Variants in TBC1D17 observed in about 807,000 individuals in gnomAD.
The protein encoded by TBC1D17 is TBC1 domain family, member 17.
In TBC1D17, 69 loss-of-function variants were observed where a neutral mutation model predicts 78.8. The ratio of observed to expected loss-of-function variants is 0.88; its 90% confidence interval spans 0.72 to 1.07. The LOEUF (loss-of-function observed/expected upper bound fraction) is 1.07. Ranked by LOEUF, TBC1D17 falls within the 50% of genes least tolerant of loss-of-function variation. The probability of loss-of-function intolerance (pLI) is 0.00; values close to 1 mark genes in which losing one functional copy is unlikely to be tolerated. For synonymous variants in TBC1D17, 456 were observed against 358.3 expected (o/e 1.27, Z -3.08); for missense variants, 957 against 861.0 (o/e 1.11, Z -1.39).
chr19:49,887,129 A>C, intron 13 of TBC1D17: 1 of 322,938 alleles, frequency 3.1e-6, no homozygotes, highest in Non-Finnish European at 5.9e-6. Context: ...GCGCCATCGC[A>C]CCCGGCCTTC....
rs1568673460 is a variant in TBC1D17, at chr19:49,880,410, G to A, written c.319+8G>A. The A allele has an allele frequency of 6.2e-7, 1 of 1,612,484 alleles. No homozygotes were observed. The highest frequency in any genetic ancestry group is 1.1e-5 in the South Asian group (1 of 90,956). On this transcript the variant is annotated splice_region_variant and intron_variant, in intron 4 of 16. Transcript: ENST00000221543. ...ACTCAGAGCCCACGAGAGGTAGGCT[G>A]AGGTGGCGGCCCTTGAGAAGCACGT...
chr19:49,880,323 C>G lies in TBC1D17; in HGVS notation c.240C>G (p.Thr80=). 3 of 1,614,098 alleles carry G rather than the reference C, an allele frequency of 1.9e-6. No individual in the cohort carries two copies. The South Asian group carries it at 3.3e-5, about 18-fold the overall frequency. ...CATGTGCTTCTGAGGAGGAACCAACCTTTGACCCCGGCTATGAACCTGACT... is the reference window on the plus strand; with the variant it reads ...CATGTGCTTCTGAGGAGGAACCAACGTTTGACCCCGGCTATGAACCTGACT... The part of the protein sequence containing the change: ...GDSCASEEEP[T]FDPGYEPDWA... The change falls in exon 4 of 17, where the codon ACC becomes ACG. Residue 80 remains threonine (T), a synonymous_variant. Coordinates refer to ENST00000221543, the MANE Select transcript of TBC1D17 (RefSeq NM_024682.3).
chr19:49,883,125 C>T (rs1274891303), intron 9 of TBC1D17, 49 bp downstream of exon 9: 4 of 1,529,726 alleles, frequency 2.6e-6, no homozygotes, highest in Non-Finnish European at 2.7e-6. Context: ...CCTGGTACCT[C>T]CTAGGGCACC....
intron 13 of TBC1D17, chr19:49,887,247 TC>T: frequency 1.9e-6 from 1 of 540,366 alleles, no homozygotes; most frequent in Non-Finnish European, 3.4e-6. Context: ...CTGCCTCCCT[TC>T]CATGTCCATG....
chr19:49,885,368 C>G (rs1404506863), intron 13 of TBC1D17: 1 of 151,150 alleles, frequency 6.6e-6, no homozygotes, highest in Non-Finnish European at 1.5e-5. Context: ...TCGCTTGAAC[C>G]TGGGAGGTGG....
chr19:49,878,593 C>G (rs762713110), intron 3 of TBC1D17, 21 bp downstream of exon 3: 1 of 1,612,412 alleles, frequency 6.2e-7, no homozygotes, highest in Non-Finnish European at 8.5e-7. Context: ...CCCGCTTTGC[C>G]CTTCTCCACT....
rs2074979938 is a variant in TBC1D17 at position 49,878,483 on chromosome 19, C to T, written c.121-15C>T. On this transcript the variant is annotated splice_polypyrimidine_tract_variant and intron_variant, in intron 2 of 16. Coordinates refer to ENST00000221543, the MANE Select transcript of TBC1D17 (RefSeq NM_024682.3). ...TTGGGGAGCGCCTCTAACCCCGCCT[C>T]CCTCCTTACCCTAGGACAATGACGT... 4.3e-6 allele frequency: 7 copies of T among 1,612,392 alleles called. 1 individual carries two copies. Among genetic ancestry groups the T allele is most frequent in the South Asian group, 2.2e-5 (2 of 91,044 alleles).
chr19:49,882,466 C>T, intron 7 of TBC1D17, 66 bp downstream of exon 7: 1 of 1,554,574 alleles, frequency 6.4e-7, no homozygotes. Flanking sequence ...GATTTCATTT[C>T]CCTGGGCCTC....
Position 49,878,741 on chromosome 19 carries a change from G to T in TBC1D17, c.195+169G>T, listed in dbSNP as rs1009553006. 12 of 624,024 alleles carry T rather than the reference G, an allele frequency of 1.9e-5. No homozygotes were observed. The Middle Eastern group carries it at 8.8e-4, about 46-fold the overall frequency. The allele number at this position is 624,024 out of a possible 1,614,324, so 38.7% of individuals were successfully genotyped here. A position where few individuals can be genotyped will look rare whatever the true frequency, so the allele number is the denominator to read the frequency against. On this transcript the variant is annotated intron_variant, in intron 3 of 16. Transcript: ENST00000221543. ...CCTTTTGCTCCTCTCTGTGAAATGG[G>T]CAGAGGATGCCCATTCAAGGAAAAA...
At chr19:49,884,193 C>A in intron 10 of TBC1D17, 60 bp from the exon 11 acceptor site, 2 of 1,492,606 alleles carry the variant, frequency 1.3e-6, no homozygotes, top group Non-Finnish European at 1.9e-6. Context: ...GCACTGGTGG[C>A]CAGCAGGGAT....
At position 49,877,736 on chromosome 19, in the gene TBC1D17, G is replaced by C. The variant is rs777534657; in HGVS notation, c.13G>C (p.Gly5Arg). 6.3e-7 allele frequency: 1 copy of C among 1,598,008 alleles called. No individual in the cohort carries two copies. The highest frequency in any genetic ancestry group is 8.5e-7 in the Non-Finnish European group (1 of 1,173,290). The change falls in exon 1 of 17, where the codon GGC (glycine) becomes CGC (arginine). Residue 5 changes from glycine (G) to arginine (R), a missense_variant. Transcript: ENST00000221543. ...TTCGGCGGCGACTATGGAAGGAGCC[G>C]GCTACAGGGTAAGCACTGAGGACGC... MEGA[G>R]YRVVFEKGGV...
intron 3 of TBC1D17, chr19:49,878,785 G>A (rs750644778): frequency 7.8e-5 from 44 of 567,288 alleles, no homozygotes; most frequent in Non-Finnish European, 1.3e-4. Context: ...AGCATAAGAC[G>A]CACGGTCGTG....
At chr19:49,877,831 G>T (rs2074969192) in intron 1 of TBC1D17, 87 bp downstream of exon 1, 2 of 1,464,742 alleles carry the variant, frequency 1.4e-6, no homozygotes, top group Non-Finnish European at 1.9e-6. Flanking sequence ...CTTGGCTCTC[G>T]AGAATCCGGC....
At position 49,883,669 on chromosome 19, in the gene TBC1D17, G is replaced by A. The variant is rs761920110; in HGVS notation, c.1050G>A (p.Met350Ile). The change falls in exon 10 of 17, where the codon ATG (methionine) becomes ATA (isoleucine). Residue 350 changes from methionine to isoleucine, a missense_variant. By Grantham distance (10) the Met-to-Ile change is conservative. Coordinates refer to ENST00000221543, the MANE Select transcript of TBC1D17 (RefSeq NM_024682.3). ...CACTCAGGGATGAGTATTTCCGCAT[G>A]AAGCTGCAGTGGAAATCTGTGAGCC... is the stretch of plus-strand genomic sequence containing the variant. ...IRKKTDEYFR[M>I]KLQWKSVSPE... is the part of the protein sequence containing the mutation. 7 of 1,613,990 alleles carry A rather than the reference G, an allele frequency of 4.3e-6. No individual in the cohort carries two copies. Among genetic ancestry groups the A allele is most frequent in the Non-Finnish European group, 1.7e-6 (2 of 1,179,958 alleles).
intron 2 of TBC1D17, 30 bp downstream of exon 2, chr19:49,878,271 C>T: frequency 1.3e-6 from 2 of 1,541,476 alleles, no homozygotes; most frequent in South Asian, 1.2e-5. Flanking sequence ...GGCTCGGACC[C>T]GCTCCGAGCG....
At chr19:49,882,468 C>T (rs1158138630) in intron 7 of TBC1D17, 68 bp downstream of exon 7, 4 of 1,553,708 alleles carry the variant, frequency 2.6e-6, no homozygotes, top group Non-Finnish European at 3.5e-6. Context: ...TTTCATTTCC[C>T]TGGGCCTCAG....
intron 3 of TBC1D17, among the ~76,000 whole-genome samples, 194 bp from the exon 4 acceptor site, chr19:49,880,085 C>T (rs1445973282): frequency 4.6e-5 from 7 of 152,062 alleles, no homozygotes; most frequent in South Asian, 4.2e-4. Context: ...CTCGAACTCC[C>T]GACCTCAGGT....
chr19:49,880,189 C>T, intron 3 of TBC1D17, 90 bp from the exon 4 acceptor site: 3 of 1,525,060 alleles, frequency 2.0e-6, no homozygotes, highest in Middle Eastern at 1.7e-4. Flanking sequence ...CAGTTTCCCT[C>T]TTTATTCAAT....
Position 49,877,902 on chromosome 19 carries a change from A to G in TBC1D17, c.21+158A>G, listed in dbSNP as rs1052627796. ...CCGTCACCCTCCCGTCCACCGCCCC[A>G]GGGAAGAACCTCCCATGGCCCCGCC... On this transcript the variant is annotated intron_variant, in intron 1 of 16. Transcript: ENST00000221543. 17 of 944,800 alleles carry G rather than the reference A, an allele frequency of 1.8e-5. No homozygotes were observed. In the Admixed American group the frequency reaches 4.7e-4, roughly 26 times the overall value. The allele number at this position is 944,800 out of a possible 1,614,324, so 58.5% of individuals were successfully genotyped here. A position where few individuals can be genotyped will look rare whatever the true frequency, so the allele number is the denominator to read the frequency against.
Sources: gnomAD v4.1 joint callset for allele counts (sites outside exome capture counted in the v4.1 genomes callset) on GRCh38, gnomAD v4.1.1 for gene constraint, MANE v1.5 for transcripts, NCBI Gene and HGNC (gene_info 2026-07-23, HGNC 2026-07-21) for gene names.